MARCHF1: variants seen among roughly 807,000 people sequenced by gnomAD.
The protein encoded by MARCHF1 is membrane associated ring-CH-type finger 1, also known as E3 ubiquitin-protein ligase MARCHF1.
MARCHF1 carries 40 observed loss-of-function variants against 54.2 expected under a neutral mutation model. That is an observed-to-expected ratio of 0.74 (90% CI 0.57 to 0.96). The LOEUF (loss-of-function observed/expected upper bound fraction) is 0.96, where lower values mean the gene tolerates loss of function less well. Among genes scored for constraint, MARCHF1 ranks in the 40% least tolerant of loss-of-function variants. The pLI, the probability that MARCHF1 is intolerant of heterozygous loss-of-function variation, is 0.00. For synonymous variants in MARCHF1, 236 were observed against 236.3 expected, an observed-to-expected ratio of 1.00 and a Z score of 0.01; for missense variants, 586 against 656.5, an observed-to-expected ratio of 0.89 and a Z score of 1.17.
chr4:164,102,518 T>C (rs1395891462), intron 2 of MARCHF1, among the ~76,000 whole-genome samples: 1 of 149,202 alleles, frequency 6.7e-6, no homozygotes, highest in African/African-American at 2.5e-5. Flanking sequence ...CAAACTAAGC[T>C]TCATAAGTGA....
At chr4:164,139,563 T>G (rs919181488) in intron 1 of MARCHF1, among the ~76,000 whole-genome samples, 15 of 150,790 alleles carry the variant, frequency 9.9e-5, no homozygotes, top group African/African-American at 3.7e-4. Context: ...ACAAAGGGGC[T>G]GGGAAAGTAC....
intron 3 of MARCHF1, among the ~76,000 whole-genome samples, chr4:163,942,227 C>T (rs745572145): frequency 6.6e-6 from 1 of 152,184 alleles, no homozygotes. Flanking sequence ...TCCACCGTGT[C>T]CAATTTGGAA....
chr4:164,131,346 A>G (rs1756296954), intron 1 of MARCHF1, among the ~76,000 whole-genome samples: 2 of 152,256 alleles, frequency 1.3e-5, no homozygotes, highest in South Asian at 2.1e-4. Flanking sequence ...TTAATTTTCC[A>G]TAAACAACAG....
chr4:163,868,843 G>A (rs1489087706), intron 3 of MARCHF1, among the ~76,000 whole-genome samples: 1 of 151,826 alleles, frequency 6.6e-6, no homozygotes, highest in Non-Finnish European at 1.5e-5. Context: ...AGACTGCCTG[G>A]GTGGGGACAA....
chr4:164,010,128 G>C (rs1479020514), intron 2 of MARCHF1, among the ~76,000 whole-genome samples: 2 of 140,056 alleles, frequency 1.4e-5, no homozygotes, highest in Non-Finnish European at 3.0e-5. Context: ...CTGCAGTGGC[G>C]CAATCTCGGC....
Position 163,714,487 on chromosome 4 carries a change from A to C in MARCHF1, c.112-13624T>G, listed in dbSNP as rs530339455. On this transcript the variant is annotated intron_variant, in intron 4 of 9. Transcript: ENST00000514618. ...ACCATTACTTAATAAACTGTTTCTC[A>C]ATGGAAGAGACTATATTTCAATCAC... is the stretch of plus-strand genomic sequence containing the variant. Among the ~76,000 whole-genome samples, 10 of 152,324 alleles carry C rather than the reference A, an allele frequency of 6.6e-5. No individual in the cohort carries two copies. In the East Asian group the frequency reaches 1.9e-3, roughly 29 times the overall value.
At chr4:164,178,885 T>A (rs1365491577) in intron 1 of MARCHF1, among the ~76,000 whole-genome samples, 4 of 151,900 alleles carry the variant, frequency 2.6e-5, no homozygotes, top group African/African-American at 9.7e-5. Flanking sequence ...ACAGGAGAAG[T>A]CTTTCTCCTA....
intron 3 of MARCHF1, among the ~76,000 whole-genome samples, chr4:163,871,526 A>G (rs534634946): frequency 2.2e-4 from 33 of 152,308 alleles, no homozygotes; most frequent in African/African-American, 7.0e-4. Context: ...TTTGCCTGCT[A>G]GAGAATTTCA....
Position 163,612,849 on chromosome 4 carries a change from G to A in MARCHF1, c.432C>T (p.His144=). 1 of 1,535,208 alleles carries A rather than the reference G, an allele frequency of 6.5e-7. No individual in the cohort carries two copies. The highest frequency in any genetic ancestry group is 8.7e-7 in the Non-Finnish European group (1 of 1,146,456). ...EQIRGRKNDF[H]LQISSPRWRE... Reference sequence around the variant, plus strand: ...TCCACCTGGGGCTTGAGATTTGAAGGTGAAAGTCATTTTTTCTCCCTCTTA... The same window carrying A: ...TCCACCTGGGGCTTGAGATTTGAAGATGAAAGTCATTTTTTCTCCCTCTTA... The change falls in exon 7 of 10, where the codon CAC becomes CAT. Residue 144 remains histidine (H), a synonymous_variant. Coordinates refer to ENST00000514618, the MANE Select transcript of MARCHF1 (RefSeq NM_001394959.1).
At chr4:164,316,340 C>T (rs1579714956) in intron 1 of MARCHF1, among the ~76,000 whole-genome samples, 1 of 152,054 alleles carries the variant, frequency 6.6e-6, no homozygotes, top group Admixed American at 6.6e-5. Flanking sequence ...CTTTTTAGAG[C>T]AATGAAAGGC....
At chr4:164,202,758 CCTA>C (rs762939150) in intron 1 of MARCHF1, among the ~76,000 whole-genome samples, 11 of 152,296 alleles carry the variant, frequency 7.2e-5, no homozygotes, top group South Asian at 2.1e-4. Context: ...TCGAATATTT[CCTA>C]CTATTTGCTT....
At chr4:164,111,801 T>G (rs868357868) in intron 1 of MARCHF1, 139 bp from the exon 2 acceptor site, 4 of 151,798 alleles carry the variant, frequency 2.6e-5, no homozygotes, top group Non-Finnish European at 4.4e-5. Context: ...TATAATACTG[T>G]TCTTAATTTC....
chr4:163,645,995 T>C (rs1392061349), intron 5 of MARCHF1, among the ~76,000 whole-genome samples: 3 of 152,146 alleles, frequency 2.0e-5, no homozygotes, highest in African/African-American at 7.2e-5. Context: ...TTCTAAATCT[T>C]GGAGGAATAT....
At chr4:163,943,109 T>C (rs1289245979) in intron 3 of MARCHF1, among the ~76,000 whole-genome samples, 1 of 152,216 alleles carries the variant, frequency 6.6e-6, no homozygotes, top group African/African-American at 2.4e-5. Flanking sequence ...GTCAAATGCA[T>C]AGTTTTCAAA....
At chr4:164,181,530 T>C (rs1442165949) in intron 1 of MARCHF1, among the ~76,000 whole-genome samples, 1 of 152,180 alleles carries the variant, frequency 6.6e-6, no homozygotes, top group Admixed American at 6.5e-5. Flanking sequence ...GGCATTCTAA[T>C]AAAATTCTAA....
intron 1 of MARCHF1, among the ~76,000 whole-genome samples, chr4:164,337,237 A>G (rs1729765108): frequency 6.6e-6 from 1 of 152,240 alleles, no homozygotes; most frequent in Non-Finnish European, 1.5e-5. Context: ...TGTGGATGTC[A>G]GTAACTGTGG....
chr4:164,273,549 G>A (rs1197646178), intron 1 of MARCHF1, among the ~76,000 whole-genome samples: 1 of 152,166 alleles, frequency 6.6e-6, no homozygotes, highest in Non-Finnish European at 1.5e-5. Flanking sequence ...AGAAAAACCA[G>A]AAAGTAATAA....
chr4:163,816,715 C>A (rs1370501794), intron 4 of MARCHF1, among the ~76,000 whole-genome samples: 1 of 152,050 alleles, frequency 6.6e-6, no homozygotes, highest in African/African-American at 2.4e-5. Flanking sequence ...GAGAGATGAG[C>A]AACTGCAGAG....
At chr4:164,226,922 A>G (rs1220996218) in intron 1 of MARCHF1, among the ~76,000 whole-genome samples, 2 of 152,098 alleles carry the variant, frequency 1.3e-5, no homozygotes, top group South Asian at 2.1e-4. Flanking sequence ...ATGTCCCCCA[A>G]TTATTGGTGG....
Sources: gnomAD v4.1 joint callset for allele counts (sites outside exome capture counted in the v4.1 genomes callset) on GRCh38, gnomAD v4.1.1 for gene constraint, MANE v1.5 for transcripts, NCBI Gene and HGNC (gene_info 2026-07-23, HGNC 2026-07-21) for gene names.